Variants in SLC4A7 observed in about 807,000 individuals in gnomAD.
SLC4A7 encodes solute carrier family 4 member 7.
Under a neutral mutation model 137.6 loss-of-function variants are expected in SLC4A7, and 51 were observed. The ratio of observed to expected loss-of-function variants is 0.37; its 90% CI spans 0.30 to 0.47. SLC4A7 has a LOEUF of 0.47. SLC4A7 is among the 20% of genes least tolerant of loss of function. SLC4A7 has a pLI of 1.00. For missense variants in SLC4A7, 1,247 were observed against 1,525.4 expected, an observed-to-expected ratio of 0.82 and a Z score of 3.04; for synonymous variants, 542 against 518.6, an observed-to-expected ratio of 1.05 and a Z score of -0.61.
chr3:27,394,936 G>A lies in SLC4A7; in HGVS notation c.2865+18C>T, dbSNP rs759052250. On this transcript the variant is annotated intron_variant, in intron 19 of 25. Transcript: ENST00000454389. ...CCCTTGAAGAATCACAATGCTTAAG[G>A]CAAAATTCTAAAATTACCTTCAATT... The A allele has an allele frequency of 6.3e-7, 1 of 1,581,912 alleles. No homozygotes were observed. The highest frequency in any genetic ancestry group is 1.2e-5 in the South Asian group (1 of 83,892).
intron 1 of SLC4A7, chr3:27,462,494 A>AG (rs1400122231): frequency 6.6e-6 from 1 of 152,356 alleles, no homozygotes; most frequent in Non-Finnish European, 1.5e-5. Context: ...ATGCTTCTAA[A>AG]GATACTGGAA....
chr3:27,445,997 C>A (rs1366517081), intron 3 of SLC4A7, among the ~76,000 whole-genome samples: 1 of 118,784 alleles, frequency 8.4e-6, no homozygotes, highest in Non-Finnish European at 1.7e-5. Flanking sequence ...TATATAGTGC[C>A]CTTGAAATTT....
chr3:27,455,007 T>C (rs1300468202), intron 1 of SLC4A7, among the ~76,000 whole-genome samples: 1 of 143,264 alleles, frequency 7.0e-6, no homozygotes, highest in African/African-American at 2.5e-5. Context: ...AAACATGACA[T>C]GTTAAAAAAA....
At chr3:27,401,072 T>C (rs565880316) in intron 15 of SLC4A7, 13 of 401,458 alleles carry the variant, frequency 3.2e-5, no homozygotes, top group East Asian at 2.4e-4. Context: ...CCAATACAAA[T>C]ATCAAAACGT....
rs1161458423 is a variant in SLC4A7, at chr3:27,386,002, G to A, written c.3382C>T (p.Arg1128Cys). 3.1e-6 allele frequency: 5 copies of A among 1,605,974 alleles called. No homozygotes were observed. The highest frequency in any genetic ancestry group is 1.1e-5 in the South Asian group (1 of 89,388). ...PMMVLALVFV[R>C]KLMDLCFTKR... ...GTGAAACACAGGTCCATGAGTTTGC[G>A]CACAAACACTAATGCAAGAACCTTT... Residue 1128 changes from arginine to cysteine, a missense_variant, in exon 23 of 26, where the codon CGC becomes TGC. Arg to Cys is a radical substitution (Grantham distance 180). Coordinates refer to ENST00000454389, the MANE Select transcript of SLC4A7 (RefSeq NM_001321103.2).
chr3:27,383,385 T>A, intron 23 of SLC4A7, 135 bp from the exon 24 acceptor site: 2 of 668,046 alleles, frequency 3.0e-6, no homozygotes, highest in South Asian at 3.5e-5. Context: ...TGAAAAATTT[T>A]ATAATCATGA....
intron 21 of SLC4A7, among the ~76,000 whole-genome samples, chr3:27,390,821 G>GTGTT (rs903410914): frequency 6.6e-6 from 1 of 151,956 alleles, no homozygotes; most frequent in Admixed American, 6.6e-5. Context: ...TTTTTTGTGT[G>GTGTT]TGTTTGTTTG....
chr3:27,421,717 G>A lies in SLC4A7; in HGVS notation c.1329C>T (p.Gly443=), dbSNP rs983103147. ...TGAEASNVLV[G]EVDFLERPII... is the part of the protein sequence containing the mutation. ...TTGGCCTTTCCAAAAAGTCTACTTC[G>A]CCCACCAGGACGTTGGATGCCTCAG... The change falls in exon 9 of 26, where the codon GGC becomes GGT. Residue 443 remains glycine (G), a synonymous_variant. Coordinates refer to ENST00000454389, the MANE Select transcript of SLC4A7 (RefSeq NM_001321103.2). The A allele has an allele frequency of 9.3e-6, 15 of 1,613,472 alleles. No individual in the cohort carries two copies. The highest frequency in any genetic ancestry group is 4.5e-5 in the East Asian group (2 of 44,862).
In SLC4A7 at chr3:27,424,101, C is replaced by T; in HGVS notation, c.1202G>A (p.Ser401Asn). The part of the protein sequence containing the change: ...SAPGNLDNSK[S>N]GEIKGNGSGG... ...ACTTCCATTACCTTTAATTTCTCCA[C>T]TTTTACTATTGTCCAAGTTTCCAGG... is the stretch of plus-strand genomic sequence containing the variant. Residue 401 changes from serine (S) to asparagine (N), a missense_variant, in exon 8 of 26, where the codon AGT becomes AAT. By Grantham distance (46) the Ser-to-Asn change is conservative (BLOSUM62 1). Coordinates refer to ENST00000454389, the MANE Select transcript of SLC4A7 (RefSeq NM_001321103.2). The T allele has an allele frequency of 6.2e-7, 1 of 1,612,196 alleles. No homozygotes were observed. The highest frequency in any genetic ancestry group is 2.2e-5 in the East Asian group (1 of 44,722).
chr3:27,425,433 T>C (rs1423163565), intron 7 of SLC4A7, among the ~76,000 whole-genome samples: 7 of 146,188 alleles, frequency 4.8e-5, no homozygotes, highest in African/African-American at 7.7e-5. Flanking sequence ...TCCCAGCACT[T>C]TGGAAGGTCA....
intron 1 of SLC4A7, among the ~76,000 whole-genome samples, chr3:27,479,300 G>A (rs2059610912): frequency 6.6e-6 from 1 of 152,042 alleles, no homozygotes; most frequent in East Asian, 1.9e-4. Flanking sequence ...TGTATTCCCA[G>A]CTACTCAGGA....
chr3:27,392,465 A>C (rs1209601605), intron 20 of SLC4A7, among the ~76,000 whole-genome samples: 5 of 152,216 alleles, frequency 3.3e-5, no homozygotes, highest in African/African-American at 9.6e-5. Flanking sequence ...AACCACATCT[A>C]CTACATCTCT....
intron 1 of SLC4A7, among the ~76,000 whole-genome samples, chr3:27,471,909 G>C (rs143604212): frequency 6.6e-6 from 1 of 152,144 alleles, no homozygotes; most frequent in Non-Finnish European, 1.5e-5. Flanking sequence ...TGCCATTCCT[G>C]TGAGGCCGAT....
chr3:27,394,677 T>A lies in SLC4A7; in HGVS notation c.2958A>T (p.Thr986=). Residue 986 remains threonine (T), a synonymous_variant, in exon 20 of 26, where the codon ACA becomes ACT. Transcript: ENST00000454389. ...VMGLPWFVAA[T]VLSISHVNSL... is the part of the protein sequence containing the mutation. ...TGTTGACATGACTTATTGACAACACTGTTGCAGCCACAAACCATGGAAGTC... is the reference window on the plus strand; with the variant it reads ...TGTTGACATGACTTATTGACAACACAGTTGCAGCCACAAACCATGGAAGTC... The A allele has an allele frequency of 6.2e-7, 1 of 1,614,174 alleles. No homozygotes were observed. Among genetic ancestry groups the A allele is most frequent in the Non-Finnish European group, 8.5e-7 (1 of 1,180,020 alleles).
chr3:27,461,103 A>G (rs929364275), intron 1 of SLC4A7, among the ~76,000 whole-genome samples: 12 of 152,178 alleles, frequency 7.9e-5, no homozygotes, highest in Admixed American at 3.9e-4. Context: ...AAATCCATCA[A>G]TTTGAATGTG....
At chr3:27,427,294 A>G (rs1178927008) in intron 7 of SLC4A7, among the ~76,000 whole-genome samples, 1 of 144,902 alleles carries the variant, frequency 6.9e-6, no homozygotes, top group Non-Finnish European at 1.5e-5. Context: ...AGGTATTTAC[A>G]AGTACTAAAA....
At chr3:27,466,891 T>G (rs2059030933) in intron 1 of SLC4A7, among the ~76,000 whole-genome samples, 1 of 152,190 alleles carries the variant, frequency 6.6e-6, no homozygotes, top group Non-Finnish European at 1.5e-5. Context: ...TTCTTTATAT[T>G]TTCCTATACT....
At chr3:27,470,249 C>A (rs1053897340) in intron 1 of SLC4A7, among the ~76,000 whole-genome samples, 9 of 149,360 alleles carry the variant, frequency 6.0e-5, no homozygotes, top group African/African-American at 2.2e-4. Flanking sequence ...TGCTCATGAG[C>A]TTAAAGGCTT....
chr3:27,455,010 T>TA (rs202045007), intron 1 of SLC4A7, among the ~76,000 whole-genome samples: 32,377 of 144,802 alleles, frequency 0.22, 3,503 homozygotes, highest in Non-Finnish European at 0.26. Flanking sequence ...CATGACATGT[T>TA]AAAAAAAAAA....
Sources: allele counts gnomAD v4.1 joint callset (sites outside exome capture counted in the v4.1 genomes callset), GRCh38; gene constraint gnomAD v4.1.1; transcripts MANE v1.5; gene names NCBI Gene and HGNC (gene_info 2026-07-23, HGNC 2026-07-21).